Variants in DISP1 observed in about 807,000 individuals in gnomAD.
DISP1 encodes the protein protein dispatched homolog 1.
Under a neutral mutation model 37.3 loss-of-function variants are expected in DISP1, and 30 were observed. That is an observed-to-expected ratio of 0.80 (90% CI 0.60 to 1.09). DISP1 has a LOEUF of 1.09. Among genes scored for constraint, DISP1 ranks in the 50% least tolerant of loss-of-function variants. The pLI is 0.00. For synonymous variants in DISP1, 634 were observed against 690.2 expected (o/e 0.92, Z 1.28); for missense variants, 1,598 against 1,879.5 (o/e 0.85, Z 2.77).
chr1:222,906,107 G>A (rs769468962), intron 1 of DISP1, among the ~76,000 whole-genome samples: 1 of 152,090 alleles, frequency 6.6e-6, no homozygotes, highest in Non-Finnish European at 1.5e-5. Context: ...TTAATTACCA[G>A]CAGTTACTTT....
At chr1:222,842,788 T>C (rs949990162) in intron 1 of DISP1, among the ~76,000 whole-genome samples, 6 of 152,164 alleles carry the variant, frequency 3.9e-5, no homozygotes, top group Middle Eastern at 3.4e-3. Flanking sequence ...ATTTCCCACA[T>C]TGTTTGACCT....
At chr1:222,874,583 T>A (rs1669839922) in intron 1 of DISP1, among the ~76,000 whole-genome samples, 1 of 152,234 alleles carries the variant, frequency 6.6e-6, no homozygotes, top group African/African-American at 2.4e-5. Context: ...CGTCATGTAG[T>A]TCTCGTGCCT....
intron 1 of DISP1, among the ~76,000 whole-genome samples, chr1:222,838,600 T>A (rs543884650): frequency 1.3e-5 from 2 of 150,778 alleles, no homozygotes; most frequent in South Asian, 4.2e-4. Context: ...TGAGACCCCA[T>A]CTACAAAGAA....
At chr1:222,816,714 C>T (rs754379243) in intron 1 of DISP1, among the ~76,000 whole-genome samples, 1 of 152,088 alleles carries the variant, frequency 6.6e-6, no homozygotes, top group Non-Finnish European at 1.5e-5. Context: ...CTGATATTTA[C>T]AAGTGTAAAG....
chr1:222,880,666 T>A (rs1168258627), intron 1 of DISP1, among the ~76,000 whole-genome samples: 1 of 152,212 alleles, frequency 6.6e-6, no homozygotes, highest in Non-Finnish European at 1.5e-5. Flanking sequence ...TTTTCCTTTT[T>A]GAATGAATCA....
chr1:222,847,937 GA>G (rs1194988105), intron 1 of DISP1, among the ~76,000 whole-genome samples: 3 of 152,010 alleles, frequency 2.0e-5, no homozygotes, highest in African/African-American at 7.2e-5. Flanking sequence ...TAAAGGTTAT[GA>G]AAATAAACTT....
chr1:222,882,300 G>A (rs189172858), intron 1 of DISP1, among the ~76,000 whole-genome samples: 28 of 151,890 alleles, frequency 1.8e-4, no homozygotes, highest in Admixed American at 7.9e-4. Flanking sequence ...ATTTTTTATC[G>A]TTCAGCCTCT....
intron 3 of DISP1, among the ~76,000 whole-genome samples, chr1:222,974,293 G>A (rs938388904): frequency 1.3e-5 from 2 of 152,114 alleles, no homozygotes. Flanking sequence ...CAAATCCTGA[G>A]TAATTAAAGG....
intron 1 of DISP1, among the ~76,000 whole-genome samples, chr1:222,844,202 A>T (rs918958311): frequency 2.0e-5 from 3 of 152,026 alleles, no homozygotes; most frequent in Admixed American, 1.3e-4. Context: ...TTCCTTTGTG[A>T]TGTAAGACAG....
At chr1:222,969,506 A>G (rs974572685) in intron 3 of DISP1, among the ~76,000 whole-genome samples, 2 of 152,030 alleles carry the variant, frequency 1.3e-5, no homozygotes, top group African/African-American at 4.8e-5. Flanking sequence ...CCTAGCTTTA[A>G]TTCAAGATTC....
intron 3 of DISP1, among the ~76,000 whole-genome samples, chr1:222,955,655 A>T (rs1269939479): frequency 6.6e-6 from 1 of 152,204 alleles, no homozygotes; most frequent in Non-Finnish European, 1.5e-5. Context: ...GAGAGGGGCC[A>T]GGAGACTGTG....
In DISP1 at chr1:223,002,653, C is replaced by T; in HGVS notation, c.1256C>T (p.Thr419Ile). The T allele has an allele frequency of 6.2e-7, 1 of 1,614,130 alleles. No homozygotes were observed. Among genetic ancestry groups the T allele is most frequent in the Non-Finnish European group, 8.5e-7 (1 of 1,180,044 alleles). The change falls in exon 9 of 9, where the codon ACC becomes ATC. Residue 419 changes from threonine (T) to isoleucine (I), a missense_variant. Physicochemically the swap from Thr to Ile is moderately conservative, Grantham distance 89. Coordinates refer to ENST00000675850, the MANE Select transcript of DISP1 (RefSeq NM_001377229.1). ...TGCACCAATGTGCCACGCAAATGTA[C>T]CAAGTACAATGCTGTGTACCAGATC... is the stretch of plus-strand genomic sequence containing the variant. Reference protein sequence around the residue: ...LKCTNVPRKCTKYNAVYQILH... With the variant: ...LKCTNVPRKCIKYNAVYQILH...
intron 1 of DISP1, among the ~76,000 whole-genome samples, chr1:222,881,679 G>T (rs1670291422): frequency 6.6e-6 from 1 of 152,182 alleles, no homozygotes; most frequent in African/African-American, 2.4e-5. Context: ...ACTGGCATCA[G>T]GTAGAGTTTG....
intron 1 of DISP1, among the ~76,000 whole-genome samples, chr1:222,859,464 C>G (rs1384880870): frequency 6.6e-6 from 1 of 152,118 alleles, no homozygotes; most frequent in Non-Finnish European, 1.5e-5. Context: ...ACCTGCGCAT[C>G]CTGTGCATGT....
intron 1 of DISP1, among the ~76,000 whole-genome samples, chr1:222,868,404 A>G (rs1415036541): frequency 6.6e-6 from 1 of 152,108 alleles, no homozygotes; most frequent in Non-Finnish European, 1.5e-5. Flanking sequence ...TAATATTTGT[A>G]TATATTTGAG....
intron 3 of DISP1, among the ~76,000 whole-genome samples, chr1:222,977,381 T>C (rs1011729943): frequency 2.0e-5 from 3 of 147,108 alleles, no homozygotes; most frequent in African/African-American, 7.6e-5. Flanking sequence ...CTGACAAATA[T>C]TGTTTTATTT....
At chr1:222,845,792 A>G (rs1017719099) in intron 1 of DISP1, among the ~76,000 whole-genome samples, 1 of 152,302 alleles carries the variant, frequency 6.6e-6, no homozygotes, top group East Asian at 1.9e-4. Context: ...TCTATGATAT[A>G]TAACTTTTGG....
intron 1 of DISP1, among the ~76,000 whole-genome samples, chr1:222,834,016 T>A (rs534895987): frequency 2.0e-5 from 3 of 152,210 alleles, no homozygotes; most frequent in Non-Finnish European, 4.4e-5. Flanking sequence ...AGGCACATAG[T>A]GTGTCTTAAG....
chr1:222,961,384 A>G (rs1676044419), intron 3 of DISP1, among the ~76,000 whole-genome samples: 1 of 152,236 alleles, frequency 6.6e-6, no homozygotes, highest in Non-Finnish European at 1.5e-5. Flanking sequence ...GATTATCTCA[A>G]TAGATACAGA....
Sources: allele counts gnomAD v4.1 joint callset (sites outside exome capture counted in the v4.1 genomes callset), GRCh38; gene constraint gnomAD v4.1.1; transcripts MANE v1.5; gene names NCBI Gene and HGNC (gene_info 2026-07-23, HGNC 2026-07-21).